Variants in FHIT observed in about 807,000 individuals in gnomAD.
FHIT encodes the protein fragile histidine triad diadenosine triphosphatase.
Under a neutral mutation model 17.9 loss-of-function variants are expected in FHIT, and 19 were observed. The ratio of observed to expected loss-of-function variants is 1.06; its 90% confidence interval spans 0.74 to 1.56. The LOEUF is 1.56. Ranked by LOEUF, FHIT falls within the 40% of genes most tolerant of loss-of-function variation. The pLI is 0.00. For missense variants in FHIT, 248 were observed against 189.2 expected (o/e 1.31, Z -1.82); for synonymous variants, 81 against 69.7 (o/e 1.16, Z -0.81).
intron 2 of FHIT, among the ~76,000 whole-genome samples, chr3:61,111,375 C>T (rs1022651549): frequency 6.6e-6 from 1 of 152,132 alleles, no homozygotes; most frequent in Non-Finnish European, 1.5e-5. Context: ...ATCTATAAAA[C>T]ATTAATCACT....
Position 61,234,286 on chromosome 3 carries a change from G to T in FHIT, c.-213+17015C>A, listed in dbSNP as rs144727922. 3.9e-5 allele frequency among the ~76,000 whole-genome samples: 6 copies of T among 152,240 alleles called. No individual in the cohort carries two copies. The East Asian group carries it at 1.2e-3, about 29-fold the overall frequency. ...GCCCAGCATTCCCACTCCTGGAAAT[G>T]TCTCCTAAGAAAAAATCATGAATGT... On this transcript the variant is annotated intron_variant, in intron 1 of 9. Transcript: ENST00000492590.
At chr3:60,366,418 C>T (rs746263194) in intron 5 of FHIT, among the ~76,000 whole-genome samples, 2 of 152,200 alleles carry the variant, frequency 1.3e-5, no homozygotes, top group Non-Finnish European at 2.9e-5. Flanking sequence ...AGGCACAGTG[C>T]CCAGCCTGCT....
intron 5 of FHIT, among the ~76,000 whole-genome samples, chr3:60,450,817 G>A (rs570724502): frequency 2.0e-5 from 3 of 152,252 alleles, no homozygotes; most frequent in East Asian, 1.9e-4. Flanking sequence ...TGCTTGTAAC[G>A]AGCCAGTGAA....
intron 2 of FHIT, among the ~76,000 whole-genome samples, chr3:61,049,990 T>TA (rs1353609216): frequency 1.3e-5 from 2 of 152,122 alleles, no homozygotes; most frequent in African/African-American, 4.8e-5. Context: ...TTATTACCAT[T>TA]AGATCACACT....
rs1705624651 is a variant in FHIT at position 60,127,774 on chromosome 3, A to AT, written c.104-113623dup. Among the ~76,000 whole-genome samples the AT allele has an allele frequency of 2.0e-5, 3 of 151,820 alleles. No individual in the cohort carries two copies. The South Asian group carries it at 6.2e-4, about 32-fold the overall frequency. ...CTCCTCCATGTCAGCTAATATATAT[A>AT]TTTGTATATATCCATGGCAGCCAAT... On this transcript the variant is annotated intron_variant, in intron 5 of 9. Coordinates refer to ENST00000492590, the MANE Select transcript of FHIT (RefSeq NM_002012.4).
chr3:60,305,614 C>G (rs150878533), intron 5 of FHIT, among the ~76,000 whole-genome samples: 1 of 152,062 alleles, frequency 6.6e-6, no homozygotes, highest in Non-Finnish European at 1.5e-5. Context: ...AAATTAAGAT[C>G]TTTAAACTGT....
At chr3:60,100,826 G>T (rs1378779724) in intron 5 of FHIT, among the ~76,000 whole-genome samples, 1 of 144,676 alleles carries the variant, frequency 6.9e-6, no homozygotes, top group Non-Finnish European at 1.6e-5. Flanking sequence ...TTAAAACAGA[G>T]ACCAACATCT....
intron 4 of FHIT, among the ~76,000 whole-genome samples, chr3:60,603,219 A>C (rs573337584): frequency 6.6e-6 from 1 of 152,332 alleles, no homozygotes; most frequent in Non-Finnish European, 1.5e-5. Context: ...TTTTTTCTTA[A>C]CCTTTAGAAA....
At chr3:59,812,754 G>A (rs181026849) in intron 8 of FHIT, among the ~76,000 whole-genome samples, 129 of 152,176 alleles carry the variant, frequency 8.5e-4, no homozygotes, top group Admixed American at 2.2e-3. Flanking sequence ...ATTTGCAACC[G>A]AGCCAGGATG....
intron 4 of FHIT, among the ~76,000 whole-genome samples, chr3:60,736,266 C>T (rs2042130765): frequency 6.6e-6 from 1 of 152,088 alleles, no homozygotes; most frequent in Admixed American, 6.5e-5. Context: ...TACCGTGTGA[C>T]CCAGCAAGTC....
intron 3 of FHIT, among the ~76,000 whole-genome samples, chr3:60,972,446 T>C (rs941796831): frequency 7.9e-5 from 12 of 152,320 alleles, no homozygotes; most frequent in Non-Finnish European, 1.3e-4. Context: ...TTATGTCTCA[T>C]TGGTGTGCCT....
At chr3:60,224,259 G>A (rs7619422) in intron 5 of FHIT, among the ~76,000 whole-genome samples, 5,059 of 152,140 alleles carry the variant, frequency 0.033, 256 homozygotes, top group African/African-American at 0.11. Flanking sequence ...TCCAGAGTCC[G>A]TACTCTAAAG....
chr3:60,841,729 G>A (rs1702729333), intron 3 of FHIT, among the ~76,000 whole-genome samples: 1 of 152,148 alleles, frequency 6.6e-6, no homozygotes, highest in African/African-American at 2.4e-5. Context: ...ATATCTAGCA[G>A]TCTGAATGCC....
At position 59,898,859 on chromosome 3, in the gene FHIT, A is replaced by G. The variant is rs540728554; in HGVS notation, c.348+23487T>C. Reference sequence around the variant, plus strand: ...TAATGGCTGGTAGTATTTATTGAACATGACATGCCAGGTATTATACTAGGC... The same window carrying G: ...TAATGGCTGGTAGTATTTATTGAACGTGACATGCCAGGTATTATACTAGGC... On this transcript the variant is annotated intron_variant, in intron 8 of 9. Coordinates refer to ENST00000492590, the MANE Select transcript of FHIT (RefSeq NM_002012.4). Among the ~76,000 whole-genome samples, 12 of 152,328 alleles carry G rather than the reference A, an allele frequency of 7.9e-5. No individual in the cohort carries two copies. In the South Asian group the frequency reaches 2.5e-3, roughly 32 times the overall value.
chr3:60,757,139 T>G (rs1699456442), intron 4 of FHIT, among the ~76,000 whole-genome samples: 1 of 152,006 alleles, frequency 6.6e-6, no homozygotes, highest in Non-Finnish European at 1.5e-5. Flanking sequence ...TCCCAAATAC[T>G]AAAGAGATAG....
intron 3 of FHIT, among the ~76,000 whole-genome samples, chr3:60,931,342 T>C (rs1275906746): frequency 6.6e-6 from 1 of 152,176 alleles, no homozygotes; most frequent in East Asian, 1.9e-4. Context: ...TGTGCACATG[T>C]ACCCTAAAAC....
intron 4 of FHIT, among the ~76,000 whole-genome samples, chr3:60,707,134 G>A (rs1553703757): frequency 6.6e-6 from 1 of 152,206 alleles, no homozygotes; most frequent in African/African-American, 2.4e-5. Flanking sequence ...TCTGCGGTAA[G>A]TGGCAGGGAA....
chr3:60,662,290 A>C (rs111802752), intron 4 of FHIT, among the ~76,000 whole-genome samples: 7,755 of 152,178 alleles, frequency 0.051, 677 homozygotes, highest in African/African-American at 0.18. Flanking sequence ...CATTTGTGGA[A>C]TAGGGTGTCT....
chr3:59,989,651 A>T (rs1279372804), intron 7 of FHIT, among the ~76,000 whole-genome samples: 2 of 152,094 alleles, frequency 1.3e-5, no homozygotes, highest in African/African-American at 4.8e-5. Context: ...AGATCTCATT[A>T]TGTCCCTTCT....
Sources: allele counts gnomAD v4.1 joint callset (sites outside exome capture counted in the v4.1 genomes callset), GRCh38; gene constraint gnomAD v4.1.1; transcripts MANE v1.5; gene names NCBI Gene and HGNC (gene_info 2026-07-23, HGNC 2026-07-21).